The following PITPNA variants were observed in gnomAD, a reference collection of about 807,000 sequenced individuals.
PITPNA encodes the protein phosphatidylinositol transfer protein alpha isoform.
PITPNA carries 13 observed loss-of-function variants against 50.3 expected under a neutral mutation model. The ratio of observed to expected loss-of-function variants is 0.26; its 90% CI spans 0.17 to 0.41. The LOEUF (loss-of-function observed/expected upper bound fraction) is 0.41, where lower values mean the gene tolerates loss of function less well. Ranked by LOEUF, PITPNA falls within the 10% of genes least tolerant of loss-of-function variation. The pLI is 1.00. For missense variants in PITPNA, 207 were observed against 333.4 expected (o/e 0.62, Z 2.95); for synonymous variants, 120 against 119.6 (o/e 1.00, Z -0.02).
chr17:1,559,818 C>T (rs1396989832), intron 1 of PITPNA: 4 of 978,298 alleles, frequency 4.1e-6, no homozygotes, highest in African/African-American at 3.5e-5. Context: ...CAAGTCTTTA[C>T]TGCCTGCTAA....
chr17:1,557,172 G>A (rs1416312401), intron 2 of PITPNA, among the ~76,000 whole-genome samples: 1 of 151,980 alleles, frequency 6.6e-6, no homozygotes, highest in Admixed American at 6.6e-5. Flanking sequence ...CCAAGATCAC[G>A]GTCAAGGCCC....
At chr17:1,554,755 T>TTGGTG in intron 2 of PITPNA, among the ~76,000 whole-genome samples, 1 of 151,988 alleles carries the variant, frequency 6.6e-6, no homozygotes. Context: ...AATTCACTGC[T>TTGGTG]CACCACAAGG....
chr17:1,532,289 A>G (rs932287719), intron 10 of PITPNA, among the ~76,000 whole-genome samples: 10 of 152,052 alleles, frequency 6.6e-5, no homozygotes, highest in Admixed American at 1.3e-4. Context: ...GGGTTTCACC[A>G]TGTTGGCCAA....
chr17:1,524,045 C>CT (rs71148495), intron 10 of PITPNA, among the ~76,000 whole-genome samples: 3 of 101,902 alleles, frequency 2.9e-5, no homozygotes, highest in African/African-American at 3.6e-5. Context: ...TTTCTTTTTT[C>CT]TTTTTTTTTT....
intron 10 of PITPNA, among the ~76,000 whole-genome samples, chr17:1,526,097 C>T (rs1245378631): frequency 6.6e-6 from 1 of 152,186 alleles, no homozygotes; most frequent in Non-Finnish European, 1.5e-5. Context: ...AAACCCAGAA[C>T]ACCTTGTGCT....
chr17:1,523,000 G>GGCACAATGTGGTGTCAGAACTAGGCACA, intron 10 of PITPNA, among the ~76,000 whole-genome samples: 1 of 152,254 alleles, frequency 6.6e-6, no homozygotes, highest in South Asian at 2.1e-4. Flanking sequence ...TTTAAAGGTG[G>GGCACAATGTGGTGTCAGAACTAGGCACA]GCACAATGTG....
At chr17:1,529,830 G>C (rs2075570582) in intron 10 of PITPNA, among the ~76,000 whole-genome samples, 1 of 151,794 alleles carries the variant, frequency 6.6e-6, no homozygotes, top group African/African-American at 2.4e-5. Context: ...ACTCCAGCCT[G>C]GGTGACAGAG....
At chr17:1,539,492 TCA>T (rs531732936) in intron 6 of PITPNA, among the ~76,000 whole-genome samples, 66 of 150,328 alleles carry the variant, frequency 4.4e-4, no homozygotes, top group African/African-American at 1.5e-3. Flanking sequence ...TCCTCCTCTC[TCA>T]GTCTCCTGCC....
At chr17:1,541,786 G>T (rs556621077) in intron 5 of PITPNA, 146 bp from the exon 6 acceptor site, 1 of 714,658 alleles carries the variant, frequency 1.4e-6, no homozygotes, top group Non-Finnish European at 2.6e-6. Context: ...ACTTGACTGG[G>T]AGCCCACGAC....
intron 4 of PITPNA, among the ~76,000 whole-genome samples, chr17:1,547,865 G>A (rs2075685182): frequency 6.6e-6 from 1 of 151,842 alleles, no homozygotes; most frequent in African/African-American, 2.4e-5. Flanking sequence ...GTGGCGGTAT[G>A]CGCCTGTAGT....
intron 10 of PITPNA, among the ~76,000 whole-genome samples, chr17:1,525,613 G>C (rs1049201522): frequency 6.7e-6 from 1 of 150,152 alleles, no homozygotes; most frequent in East Asian, 2.0e-4. Flanking sequence ...CCACCTCCCG[G>C]GTTCAGGCGA....
intron 9 of PITPNA, 51 bp from the exon 10 acceptor site, chr17:1,534,272 C>T (rs2075602040): frequency 1.2e-5 from 19 of 1,609,784 alleles, no homozygotes; most frequent in Non-Finnish European, 1.6e-5. Context: ...AGGCTGCTGC[C>T]ACAGCCCTTC....
intron 3 of PITPNA, among the ~76,000 whole-genome samples, chr17:1,549,602 GC>G (rs2151011888): frequency 6.9e-6 from 1 of 144,602 alleles, no homozygotes; most frequent in East Asian, 2.5e-4. Context: ...AGTGGCGTGA[GC>G]CACCGTGCCT....
intron 2 of PITPNA, among the ~76,000 whole-genome samples, chr17:1,558,103 C>T (rs924098162): frequency 3.9e-5 from 6 of 152,154 alleles, no homozygotes; most frequent in African/African-American, 1.4e-4. Context: ...TGGTGGCACA[C>T]ACCTGTAATC....
At chr17:1,556,161 G>A (rs1015338943) in intron 2 of PITPNA, among the ~76,000 whole-genome samples, 2 of 152,224 alleles carry the variant, frequency 1.3e-5, no homozygotes, top group South Asian at 2.1e-4. Context: ...TTTCTTCTTC[G>A]GCCTTCCCCT....
In PITPNA at chr17:1,531,485, G is replaced by A. The variant is rs543364443; in HGVS notation, c.768+2614C>T. Reference sequence around the variant, plus strand: ...GTGGAGCTTGCAGTGAGCCGAGATCGTGCCACTGCACTCCAGCTTGGGCAA... The same window carrying A: ...GTGGAGCTTGCAGTGAGCCGAGATCATGCCACTGCACTCCAGCTTGGGCAA... On this transcript the variant is annotated intron_variant, in intron 10 of 11. Coordinates refer to ENST00000313486, the MANE Select transcript of PITPNA (RefSeq NM_006224.4). 2.0e-3 allele frequency among the ~76,000 whole-genome samples: 299 copies of A among 152,188 alleles called. 1 individual carries two copies. Among genetic ancestry groups the A allele is most frequent in the Non-Finnish European group, 2.6e-3 (180 of 68,016 alleles).
chr17:1,526,794 T>C (rs2075550925), intron 10 of PITPNA, among the ~76,000 whole-genome samples: 1 of 152,230 alleles, frequency 6.6e-6, no homozygotes, highest in African/African-American at 2.4e-5. Context: ...AGACGGAGTC[T>C]TGCTCTGTCA....
intron 1 of PITPNA, among the ~76,000 whole-genome samples, chr17:1,560,022 C>G (rs139569538): frequency 6.6e-5 from 10 of 152,298 alleles, no homozygotes; most frequent in Non-Finnish European, 1.2e-4. Flanking sequence ...GAACAGCAGT[C>G]AAAATCACAT....
rs368772262 is a variant in PITPNA at position 1,560,081 on chromosome 17, G to A, written c.21-1522C>T. On this transcript the variant is annotated intron_variant, in intron 1 of 11. Transcript: ENST00000313486. The stretch of plus-strand genomic sequence containing the variant: ...TAAACAGAATCCTGTTAGAGGAAGT[G>A]TTGGAAAAATCAACAGGGGCAACCT... Among the ~76,000 whole-genome samples the A allele has an allele frequency of 6.6e-5, 10 of 152,342 alleles. No homozygotes were observed. The South Asian group carries it at 1.0e-3, about 16-fold the overall frequency.
Sources: allele counts gnomAD v4.1 joint callset (sites outside exome capture counted in the v4.1 genomes callset), GRCh38; gene constraint gnomAD v4.1.1; transcripts MANE v1.5; gene names NCBI Gene and HGNC (gene_info 2026-07-23, HGNC 2026-07-21).